The following TTLL7 variants were observed in gnomAD, a reference collection of about 807,000 sequenced individuals.
The protein encoded by TTLL7 is tubulin polyglutamylase TTLL7.
TTLL7 carries 53 observed loss-of-function variants against 120.2 expected under a neutral mutation model. The ratio of observed to expected loss-of-function variants is 0.44; its 90% confidence interval spans 0.35 to 0.55. The LOEUF (loss-of-function observed/expected upper bound fraction) is 0.55. TTLL7 is among the 20% of genes least tolerant of loss of function. TTLL7 has a pLI of 0.00. For synonymous variants in TTLL7, 353 were observed against 351.7 expected (o/e 1.00, Z -0.04); for missense variants, 803 against 1,054.7 (o/e 0.76, Z 3.31).
chr1:83,944,012 T>G (rs1648232606), intron 6 of TTLL7, among the ~76,000 whole-genome samples: 1 of 151,532 alleles, frequency 6.6e-6, no homozygotes, highest in African/African-American at 2.4e-5. Context: ...ATAACTGAGA[T>G]AAAAAAATTC....
chr1:83,998,469 G>T (rs1232033521), intron 1 of TTLL7, among the ~76,000 whole-genome samples: 1 of 152,214 alleles, frequency 6.6e-6, no homozygotes, highest in Admixed American at 6.5e-5. Context: ...GAAAGTGAGA[G>T]GTACCTACAA....
chr1:83,900,223 A>G, intron 18 of TTLL7: 1 of 417,100 alleles, frequency 2.4e-6, no homozygotes, highest in South Asian at 1.8e-5. Flanking sequence ...AGAAAGAAGC[A>G]GCTAGCTTGC....
chr1:83,886,462 T>C (rs1013132118), intron 19 of TTLL7, among the ~76,000 whole-genome samples: 8 of 152,026 alleles, frequency 5.3e-5, no homozygotes, highest in African/African-American at 1.9e-4. Context: ...ACACATCCAA[T>C]TGAAAGTGAT....
chr1:83,889,937 G>A (rs1311651722), intron 19 of TTLL7: 2 of 459,584 alleles, frequency 4.4e-6, no homozygotes, highest in Admixed American at 2.3e-5. Flanking sequence ...GACATGGAAT[G>A]TTTGGTTTTA....
At chr1:83,986,037 A>G (rs1652408284) in intron 1 of TTLL7, among the ~76,000 whole-genome samples, 1 of 152,230 alleles carries the variant, frequency 6.6e-6, no homozygotes, top group African/African-American at 2.4e-5. Context: ...AAATAGAAGA[A>G]GAAACACTTT....
At chr1:83,892,695 C>CATATGAACATATATATGAAA (rs1655764891) in intron 18 of TTLL7, among the ~76,000 whole-genome samples, 1 of 145,366 alleles carries the variant, frequency 6.9e-6, no homozygotes. Flanking sequence ...TATATATGAA[C>CATATGAACATATATATGAAA]ATATATATGA....
intron 1 of TTLL7, among the ~76,000 whole-genome samples, chr1:83,963,209 C>G (rs561354475): frequency 6.6e-6 from 1 of 152,226 alleles, no homozygotes; most frequent in Admixed American, 6.5e-5. Context: ...TCATGGGATC[C>G]CATCCTCTTG....
At chr1:83,878,808 G>A (rs1381802603) in intron 20 of TTLL7, among the ~76,000 whole-genome samples, 2 of 151,850 alleles carry the variant, frequency 1.3e-5, no homozygotes, top group Non-Finnish European at 2.9e-5. Context: ...CCTTTGGTAT[G>A]CATATTATTA....
At chr1:83,948,755 G>T (rs931463427) in intron 4 of TTLL7, 60 bp from the exon 5 acceptor site, 3 of 1,172,206 alleles carry the variant, frequency 2.6e-6, no homozygotes, top group South Asian at 1.4e-5. Context: ...TCATGTATAC[G>T]ACAATACAAT....
intron 1 of TTLL7, among the ~76,000 whole-genome samples, chr1:83,981,849 A>G (rs1182481854): frequency 6.6e-6 from 1 of 151,738 alleles, no homozygotes; most frequent in Non-Finnish European, 1.5e-5. Flanking sequence ...AAAAAAAATC[A>G]ACGAAGTTAG....
At chr1:83,873,550 C>T (rs899410232) in intron 20 of TTLL7, among the ~76,000 whole-genome samples, 3 of 152,116 alleles carry the variant, frequency 2.0e-5, no homozygotes, top group Non-Finnish European at 4.4e-5. Context: ...AAATGGCTAA[C>T]TCATTGCTAA....
At chr1:83,995,821 C>T (rs900164969) in intron 1 of TTLL7, among the ~76,000 whole-genome samples, 3 of 151,992 alleles carry the variant, frequency 2.0e-5, no homozygotes, top group Admixed American at 2.0e-4. Context: ...CATCACAGTG[C>T]TATTATTATC....
chr1:83,907,752 A>G, intron 15 of TTLL7, 91 bp from the exon 16 acceptor site: 1 of 1,139,256 alleles, frequency 8.8e-7, no homozygotes, highest in East Asian at 2.6e-5. Context: ...AGATTATAGC[A>G]GCTAGTAGTA....
At chr1:83,923,126 G>A (rs548166425) in intron 10 of TTLL7, among the ~76,000 whole-genome samples, 1 of 150,414 alleles carries the variant, frequency 6.6e-6, no homozygotes, top group East Asian at 1.9e-4. Flanking sequence ...CATGGTTTAG[G>A]TAACTCTTTA....
intron 1 of TTLL7, among the ~76,000 whole-genome samples, chr1:83,973,923 G>A (rs1651224935): frequency 6.6e-6 from 1 of 151,894 alleles, no homozygotes; most frequent in Non-Finnish European, 1.5e-5. Flanking sequence ...TGGGGTGCTG[G>A]AAATGTTCTC....
chr1:83,926,365 G>A (rs1475875237), intron 10 of TTLL7, among the ~76,000 whole-genome samples: 1 of 152,030 alleles, frequency 6.6e-6, no homozygotes, highest in East Asian at 1.9e-4. Flanking sequence ...TCGGACCAGG[G>A]CATCCAGGGT....
At chr1:83,909,104 A>G (rs1657459210) in intron 15 of TTLL7, among the ~76,000 whole-genome samples, 1 of 151,094 alleles carries the variant, frequency 6.6e-6, no homozygotes. Flanking sequence ...GTGCGCCGAG[A>G]GCAAACTTAT....
intron 18 of TTLL7, among the ~76,000 whole-genome samples, chr1:83,890,886 A>G (rs763194357): frequency 1.6e-4 from 24 of 152,152 alleles, no homozygotes; most frequent in Non-Finnish European, 2.5e-4. Context: ...AGACTGTTCA[A>G]TATGTAGAGA....
intron 1 of TTLL7, among the ~76,000 whole-genome samples, chr1:83,989,190 C>A (rs1334471935): frequency 1.3e-5 from 2 of 152,110 alleles, no homozygotes; most frequent in African/African-American, 4.8e-5. Flanking sequence ...TTGGCTAGGT[C>A]CCACCTATAA....
Sources: allele counts gnomAD v4.1 joint callset (sites outside exome capture counted in the v4.1 genomes callset), GRCh38; gene constraint gnomAD v4.1.1; transcripts MANE v1.5; gene names NCBI Gene and HGNC (gene_info 2026-07-23, HGNC 2026-07-21).